KLHDC4: variants seen among roughly 807,000 people sequenced by gnomAD.
KLHDC4 encodes kelch domain-containing protein 4.
KLHDC4 carries 90 observed loss-of-function variants against 62.4 expected under a neutral mutation model. The ratio of observed to expected loss-of-function variants is 1.44; its 90% CI spans 1.22 to 1.72. The LOEUF (loss-of-function observed/expected upper bound fraction) is 1.72, where lower values mean the gene tolerates loss of function less well. Ranked by LOEUF, KLHDC4 falls within the 40% of genes most tolerant of loss-of-function variation. The pLI, the probability that KLHDC4 is intolerant of heterozygous loss-of-function variation, is 0.00. For synonymous variants in KLHDC4, 386 were observed against 284.4 expected (o/e 1.36, Z -3.59); for missense variants, 1,025 against 699.7 (o/e 1.47, Z -5.25).
chr16:87,759,565 G>A (rs186266059), intron 2 of KLHDC4, among the ~76,000 whole-genome samples: 174 of 152,288 alleles, frequency 1.1e-3, no homozygotes, highest in South Asian at 3.7e-3. Flanking sequence ...TGACCAACAC[G>A]GAGAAACTCC....
At chr16:87,754,809 G>C (rs550565250) in intron 4 of KLHDC4, among the ~76,000 whole-genome samples, 2 of 152,188 alleles carry the variant, frequency 1.3e-5, no homozygotes, top group Non-Finnish European at 2.9e-5. Context: ...GTTACCACTC[G>C]TTTCCGCTAA....
chr16:87,727,714 G>A (rs974423124), intron 6 of KLHDC4, among the ~76,000 whole-genome samples: 3 of 152,130 alleles, frequency 2.0e-5, no homozygotes, highest in Admixed American at 6.5e-5. Flanking sequence ...AAAGCGTAAG[G>A]GGCTGCTCTC....
At chr16:87,760,386 T>G (rs928738697) in intron 2 of KLHDC4, among the ~76,000 whole-genome samples, 1 of 150,918 alleles carries the variant, frequency 6.6e-6, no homozygotes, top group South Asian at 2.1e-4. Context: ...GGCGGGCGGA[T>G]CACGAGGTCA....
At chr16:87,708,509 A>ACGT in intron 10 of KLHDC4, 43 bp from the exon 11 acceptor site, 5 of 1,494,140 alleles carry the variant, frequency 3.3e-6, no homozygotes, top group Non-Finnish European at 4.6e-6. Context: ...AGCGCAGCTG[A>ACGT]GGCAGGTGGG....
chr16:87,753,871 G>A (rs2044425133), intron 4 of KLHDC4, among the ~76,000 whole-genome samples: 1 of 151,530 alleles, frequency 6.6e-6, no homozygotes, highest in Non-Finnish European at 1.5e-5. Flanking sequence ...TACTCAGCGG[G>A]CTGAAGCAGG....
At chr16:87,724,832 T>A (rs1324235733) in intron 7 of KLHDC4, among the ~76,000 whole-genome samples, 1 of 152,074 alleles carries the variant, frequency 6.6e-6, no homozygotes, top group African/African-American at 2.4e-5. Context: ...ACTCCAGATA[T>A]CTATTTACCC....
chr16:87,754,275 G>T (rs1021306697), intron 4 of KLHDC4, among the ~76,000 whole-genome samples: 4 of 152,016 alleles, frequency 2.6e-5, no homozygotes, highest in Non-Finnish European at 5.9e-5. Context: ...CAACCTGGGG[G>T]GCAGAGGTTG....
rs541430221 is a variant in KLHDC4, at chr16:87,726,812, C to G, written c.712G>C (p.Val238Leu). 3 of 1,610,572 alleles carry G rather than the reference C, an allele frequency of 1.9e-6. No individual in the cohort carries two copies. The highest frequency in any genetic ancestry group is 1.1e-5 in the South Asian group (1 of 90,752). Residue 238 changes from valine to leucine, a missense_variant, in exon 7 of 12, where the codon GTC (valine) becomes CTC (leucine). Transcript: ENST00000270583. ...ACGACGATGCCGCCCTGGGGAGTGA[C>G]GGACATCTGGCAGCCTGATCTGGGT... ...PTPRSGCQMS[V>L]TPQGGIVVYG...
At chr16:87,727,056 G>T in intron 6 of KLHDC4, 132 bp from the exon 7 acceptor site, 3 of 893,494 alleles carry the variant, frequency 3.4e-6, no homozygotes, top group Non-Finnish European at 5.1e-6. Context: ...TTTCTCCTCT[G>T]CTCTTACACC....
downstream of KLHDC4, among the ~76,000 whole-genome samples, chr16:87,705,471 C>A (rs920278273): frequency 2.0e-5 from 3 of 152,250 alleles, no homozygotes; most frequent in Non-Finnish European, 4.4e-5. Context: ...TGATCAGCAT[C>A]TTTCATTCAA....
chr16:87,713,681 C>T (rs2036343553), intron 8 of KLHDC4, among the ~76,000 whole-genome samples: 1 of 152,066 alleles, frequency 6.6e-6, no homozygotes, highest in South Asian at 2.1e-4. Context: ...ATGACCCACG[C>T]CCAGGAACAT....
At chr16:87,744,919 A>AC (rs1421479992) in intron 5 of KLHDC4, among the ~76,000 whole-genome samples, 4 of 152,186 alleles carry the variant, frequency 2.6e-5, no homozygotes, top group African/African-American at 9.7e-5. Flanking sequence ...ACATGCATAC[A>AC]CAGGCATAGA....
chr16:87,725,935 A>G (rs1455663815), intron 7 of KLHDC4, among the ~76,000 whole-genome samples: 2 of 152,248 alleles, frequency 1.3e-5, no homozygotes, highest in East Asian at 3.9e-4. Context: ...GTGAGCGTCC[A>G]TGGTGCAGGA....
At chr16:87,709,719 C>T in intron 9 of KLHDC4, 52 bp from the exon 10 acceptor site, 1 of 1,496,866 alleles carries the variant, frequency 6.7e-7, no homozygotes, top group Middle Eastern at 1.8e-4. Flanking sequence ...AGGCAGGGGT[C>T]ATTCCTGCTA....
chr16:87,737,266 G>A (rs931400768), intron 5 of KLHDC4, among the ~76,000 whole-genome samples: 7 of 151,922 alleles, frequency 4.6e-5, no homozygotes, highest in African/African-American at 1.7e-4. Flanking sequence ...AGAGGCCTCA[G>A]CACTGAAATA....
intron 1 of KLHDC4, 146 bp downstream of exon 1, chr16:87,765,646 C>T (rs1430595830): frequency 2.8e-6 from 2 of 710,392 alleles, no homozygotes; most frequent in Admixed American, 6.4e-5. Context: ...CCGGACGCGG[C>T]GCCGGGGCAG....
At chr16:87,701,760 A>C (rs754014520) in exon 1 of KLHDC4, 3 of 456,720 alleles carry the variant, frequency 6.6e-6, no homozygotes, top group Middle Eastern at 3.3e-4. Context: ...CGTCCTCCCA[A>C]GCGTGCACAC....
At chr16:87,745,532 T>A (rs576538635) in intron 5 of KLHDC4, among the ~76,000 whole-genome samples, 4 of 152,272 alleles carry the variant, frequency 2.6e-5, no homozygotes, top group Non-Finnish European at 5.9e-5. Flanking sequence ...CTGTTTCATA[T>A]GGGCAAATCC....
intron 9 of KLHDC4, 50 bp from the exon 10 acceptor site, chr16:87,709,717 G>A (rs779403401): frequency 1.2e-5 from 18 of 1,500,080 alleles, no homozygotes; most frequent in Admixed American, 4.3e-5. Context: ...CGAGGCAGGG[G>A]TCATTCCTGC....
Sources: allele counts gnomAD v4.1 joint callset (sites outside exome capture counted in the v4.1 genomes callset), GRCh38; gene constraint gnomAD v4.1.1; transcripts MANE v1.5; gene names NCBI Gene and HGNC (gene_info 2026-07-23, HGNC 2026-07-21).